GALNTL6: variants seen among roughly 807,000 people sequenced by gnomAD.
GALNTL6 encodes the protein polypeptide N-acetylgalactosaminyltransferase like 6.
Under a neutral mutation model 73.7 loss-of-function variants are expected in GALNTL6, and 46 were observed. The observed-to-expected ratio is 0.62, with a 90% CI of 0.49 to 0.80. The LOEUF (loss-of-function observed/expected upper bound fraction) is 0.80, where lower values mean the gene tolerates loss of function less well. Among genes scored for constraint, GALNTL6 ranks in the 30% least tolerant of loss-of-function variants. The pLI, the probability that GALNTL6 is intolerant of heterozygous loss-of-function variation, is 0.00. For synonymous variants in GALNTL6, 259 were observed against 263.7 expected (o/e 0.98, Z 0.17); for missense variants, 604 against 755.0 (o/e 0.80, Z 2.34).
chr4:172,468,766 C>T lies in GALNTL6; in HGVS notation c.553+120077C>T, dbSNP rs185910851. ...TATTTTCAGGGAAGATTACATTGAG[C>T]GGGTGGGACTTAAATGGGCCTTGAA... On this transcript the variant is annotated intron_variant, in intron 5 of 12. Coordinates refer to ENST00000506823, the MANE Select transcript of GALNTL6 (RefSeq NM_001034845.3). Among the ~76,000 whole-genome samples, 69 of 152,200 alleles carry T rather than the reference C, an allele frequency of 4.5e-4. 1 individual carries two copies. The highest frequency in any genetic ancestry group is 8.4e-4 in the Non-Finnish European group (57 of 67,996).
At chr4:172,950,254 G>A (rs920076879) in intron 9 of GALNTL6, among the ~76,000 whole-genome samples, 2 of 152,170 alleles carry the variant, frequency 1.3e-5, no homozygotes, top group African/African-American at 4.8e-5. Flanking sequence ...AGTAGAAAGC[G>A]TTATGGGCCA....
chr4:172,560,236 A>T (rs1425346267), intron 5 of GALNTL6, among the ~76,000 whole-genome samples: 1 of 152,160 alleles, frequency 6.6e-6, no homozygotes, highest in African/African-American at 2.4e-5. Flanking sequence ...CCAGCACTTT[A>T]GGAGGTTTAG....
intron 5 of GALNTL6, among the ~76,000 whole-genome samples, chr4:172,598,880 T>C (rs1579227712): frequency 1.3e-5 from 2 of 152,270 alleles, no homozygotes; most frequent in Admixed American, 1.3e-4. Flanking sequence ...TTCAAATTGT[T>C]CTTTATTTCT....
intron 2 of GALNTL6, among the ~76,000 whole-genome samples, chr4:171,890,793 C>A (rs2110926067): frequency 6.6e-6 from 1 of 152,174 alleles, no homozygotes; most frequent in East Asian, 1.9e-4. Context: ...TTAGGCTGTG[C>A]AATTCCAGAT....
rs188859844 is a variant in GALNTL6, at chr4:172,682,238, A to T, written c.554-127123A>T. 3.3e-5 allele frequency among the ~76,000 whole-genome samples: 5 copies of T among 152,152 alleles called. No homozygotes were observed. The South Asian group carries it at 6.2e-4, about 19-fold the overall frequency. On this transcript the variant is annotated intron_variant, in intron 5 of 12. Transcript: ENST00000506823. ...TTCTTCGTTATTATTTAAGATAATT[A>T]AAAAAAAGAATTCTTCTTTTAGATC... is the stretch of plus-strand genomic sequence containing the variant.
intron 2 of GALNTL6, among the ~76,000 whole-genome samples, chr4:172,002,416 AAAATCT>A (rs1299772064): frequency 6.6e-6 from 1 of 152,118 alleles, no homozygotes; most frequent in Non-Finnish European, 1.5e-5. Flanking sequence ...CACCAAAGGT[AAAATCT>A]TCCCCTGCCT....
At chr4:172,677,750 C>T (rs555584473) in intron 5 of GALNTL6, among the ~76,000 whole-genome samples, 1 of 151,766 alleles carries the variant, frequency 6.6e-6, no homozygotes, top group South Asian at 2.1e-4. Flanking sequence ...GAGTGAGACC[C>T]CCATCTCTAC....
chr4:173,012,286 G>A (rs944025248), intron 11 of GALNTL6, among the ~76,000 whole-genome samples: 2 of 152,130 alleles, frequency 1.3e-5, no homozygotes, highest in Admixed American at 6.5e-5. Context: ...CATGCCCAGC[G>A]CAGGATGTTA....
intron 4 of GALNTL6, among the ~76,000 whole-genome samples, chr4:172,320,654 A>T (rs940639772): frequency 6.6e-6 from 1 of 152,192 alleles, no homozygotes; most frequent in Non-Finnish European, 1.5e-5. Flanking sequence ...GACTTCAAAA[A>T]CTAACCCTTC....
At chr4:173,007,073 C>G (rs957892281) in intron 10 of GALNTL6, among the ~76,000 whole-genome samples, 1 of 152,152 alleles carries the variant, frequency 6.6e-6, no homozygotes, top group African/African-American at 2.4e-5. Flanking sequence ...GACTGGCATC[C>G]CCAACCTCTA....
At chr4:172,672,026 G>T (rs568933210) in intron 5 of GALNTL6, among the ~76,000 whole-genome samples, 102 of 152,200 alleles carry the variant, frequency 6.7e-4, no homozygotes, top group African/African-American at 2.3e-3. Context: ...GAGTAGCTAG[G>T]AATAAAGACA....
chr4:171,816,459 T>C (rs1734527038), intron 2 of GALNTL6: 1 of 152,008 alleles, frequency 6.6e-6, no homozygotes, highest in South Asian at 2.1e-4. Context: ...TGATACTTAA[T>C]TTCAGGTAAT....
At chr4:172,683,812 TTAAC>T (rs1732767971) in intron 5 of GALNTL6, among the ~76,000 whole-genome samples, 1 of 152,192 alleles carries the variant, frequency 6.6e-6, no homozygotes, top group South Asian at 2.1e-4. Flanking sequence ...ATAATATCAA[TTAAC>T]TGAGAGAATT....
At chr4:172,455,133 G>A (rs1474883280) in intron 5 of GALNTL6, among the ~76,000 whole-genome samples, 2 of 152,192 alleles carry the variant, frequency 1.3e-5, no homozygotes, top group East Asian at 3.9e-4. Flanking sequence ...CCCTAGCCAA[G>A]GGAAGCCATG....
chr4:172,874,571 A>G (rs1477405420), intron 7 of GALNTL6, among the ~76,000 whole-genome samples: 1 of 152,210 alleles, frequency 6.6e-6, no homozygotes, highest in Non-Finnish European at 1.5e-5. Flanking sequence ...ACCTTTGCTA[A>G]GCCCAAACTG....
intron 2 of GALNTL6, among the ~76,000 whole-genome samples, chr4:171,845,835 C>T (rs376669328): frequency 2.0e-5 from 3 of 152,254 alleles, no homozygotes; most frequent in South Asian, 4.1e-4. Flanking sequence ...TTTGTGACAA[C>T]AGTTCTTAAT....
intron 5 of GALNTL6, among the ~76,000 whole-genome samples, chr4:172,532,339 G>A (rs1208499237): frequency 6.6e-6 from 1 of 152,138 alleles, no homozygotes; most frequent in Non-Finnish European, 1.5e-5. Flanking sequence ...ACAAGCCAAG[G>A]AGTACCAAGG....
intron 2 of GALNTL6, among the ~76,000 whole-genome samples, chr4:172,166,011 A>T (rs1252339087): frequency 1.3e-5 from 2 of 152,264 alleles, no homozygotes; most frequent in African/African-American, 2.4e-5. Context: ...AAACTAGAAT[A>T]AGATAAACAA....
intron 8 of GALNTL6, among the ~76,000 whole-genome samples, chr4:172,916,790 A>G (rs963388797): frequency 2.0e-5 from 3 of 152,116 alleles, no homozygotes; most frequent in Admixed American, 6.5e-5. Context: ...CATGAATAGA[A>G]AGAAACAATA....
Sources: allele counts gnomAD v4.1 joint callset (sites outside exome capture counted in the v4.1 genomes callset), GRCh38; gene constraint gnomAD v4.1.1; transcripts MANE v1.5; gene names NCBI Gene and HGNC (gene_info 2026-07-23, HGNC 2026-07-21).